The following NRXN3 variants were observed in gnomAD, a reference collection of about 807,000 sequenced individuals.
NRXN3 encodes neurexin 3.
NRXN3 carries 32 observed loss-of-function variants against 137.6 expected under a neutral mutation model. The observed-to-expected ratio is 0.23, with a 90% CI of 0.18 to 0.31. The LOEUF (loss-of-function observed/expected upper bound fraction) is 0.31, where lower values mean the gene tolerates loss of function less well. NRXN3 is among the 10% of genes least tolerant of loss of function. NRXN3 has a pLI of 1.00. For missense variants in NRXN3, 1,574 were observed against 2,062.5 expected, an observed-to-expected ratio of 0.76 and a Z score of 4.59; for synonymous variants, 798 against 784.5, an observed-to-expected ratio of 1.02 and a Z score of -0.29.
chr14:78,364,925 C>G (rs1311102013), intron 4 of NRXN3, among the ~76,000 whole-genome samples: 1 of 152,128 alleles, frequency 6.6e-6, no homozygotes, highest in Non-Finnish European at 1.5e-5. Flanking sequence ...ACTCATCCAC[C>G]ACAAATATCA....
At chr14:79,268,622 G>A (rs2078812119) in intron 15 of NRXN3, among the ~76,000 whole-genome samples, 1 of 152,158 alleles carries the variant, frequency 6.6e-6, no homozygotes, top group African/African-American at 2.4e-5. Flanking sequence ...GCCTCTTAAG[G>A]TATGACTTAG....
intron 15 of NRXN3, among the ~76,000 whole-genome samples, chr14:79,177,018 A>C (rs1257936296): frequency 6.6e-6 from 1 of 152,210 alleles, no homozygotes; most frequent in East Asian, 1.9e-4. Flanking sequence ...GACTTGGAAA[A>C]GAAAAGTTAC....
In NRXN3 at chr14:79,315,575, C is replaced by A. The variant is rs373627322; in HGVS notation, c.3263-151646C>A. On this transcript the variant is annotated intron_variant, in intron 15 of 20. Coordinates refer to ENST00000335750, the MANE Select transcript of NRXN3 (RefSeq NM_001330195.2). ...TGAAATTGACTCCACACAAAGATATCTGATCACCAGACAAAACAAGTACCA... is the reference window on the plus strand; with the variant it reads ...TGAAATTGACTCCACACAAAGATATATGATCACCAGACAAAACAAGTACCA... Among the ~76,000 whole-genome samples, 159 of 152,292 alleles carry A rather than the reference C, an allele frequency of 1.0e-3. 2 individuals carry two copies. The South Asian group carries it at 0.032, about 30-fold the overall frequency.
chr14:78,299,087 A>G (rs1035202625), intron 4 of NRXN3, among the ~76,000 whole-genome samples: 2 of 152,240 alleles, frequency 1.3e-5, no homozygotes, highest in African/African-American at 4.8e-5. Context: ...TGTATCCTCC[A>G]GACCTAAGCC....
intron 4 of NRXN3, among the ~76,000 whole-genome samples, chr14:78,500,287 C>T (rs886300060): frequency 1.3e-5 from 2 of 152,196 alleles, no homozygotes; most frequent in Non-Finnish European, 2.9e-5. Context: ...GAAACCTGTC[C>T]TTCCATGAAT....
chr14:78,624,833 T>G (rs12589929), intron 4 of NRXN3, among the ~76,000 whole-genome samples: 956 of 122,034 alleles, frequency 7.8e-3, no homozygotes, highest in African/African-American at 0.013. Context: ...GTGTGTGTGT[T>G]TGTTTGTTTG....
At chr14:79,501,589 A>G (rs1211610676) in intron 16 of NRXN3, among the ~76,000 whole-genome samples, 1 of 152,180 alleles carries the variant, frequency 6.6e-6, no homozygotes, top group Non-Finnish European at 1.5e-5. Flanking sequence ...TGAGGGAACA[A>G]AGGCCCTTGA....
chr14:78,303,317 T>C (rs966517097), intron 4 of NRXN3, among the ~76,000 whole-genome samples: 23 of 152,156 alleles, frequency 1.5e-4, no homozygotes, highest in African/African-American at 5.3e-4. Context: ...ACAATTTATA[T>C]GGAAGTTAAT....
intron 19 of NRXN3, among the ~76,000 whole-genome samples, chr14:79,784,307 G>C (rs1400898015): frequency 6.6e-6 from 1 of 152,126 alleles, no homozygotes; most frequent in African/African-American, 2.4e-5. Flanking sequence ...AAATGCCAAT[G>C]TCTTTCCCAA....
chr14:79,652,392 A>T (rs1212229008), intron 16 of NRXN3, among the ~76,000 whole-genome samples: 3 of 138,354 alleles, frequency 2.2e-5, no homozygotes, highest in South Asian at 2.1e-4. Context: ...TTCACTATAA[A>T]CTCATGGATA....
chr14:78,259,334 G>A (rs930090089), intron 2 of NRXN3, among the ~76,000 whole-genome samples: 4 of 152,150 alleles, frequency 2.6e-5, no homozygotes, highest in Non-Finnish European at 4.4e-5. Context: ...ACTTACCCAA[G>A]ATCAGCAAAC....
At chr14:79,351,260 A>C (rs766321191) in intron 15 of NRXN3, among the ~76,000 whole-genome samples, 7 of 152,208 alleles carry the variant, frequency 4.6e-5, no homozygotes, top group Non-Finnish European at 1.0e-4. Context: ...ATGTGCTGGC[A>C]GAAAGAAATG....
At chr14:78,469,713 G>T (rs535402766) in intron 4 of NRXN3, among the ~76,000 whole-genome samples, 1 of 152,296 alleles carries the variant, frequency 6.6e-6, no homozygotes, top group Non-Finnish European at 1.5e-5. Flanking sequence ...GCTCTATAGT[G>T]TATAAAATGT....
intron 15 of NRXN3, among the ~76,000 whole-genome samples, chr14:79,315,427 G>C (rs925490916): frequency 6.6e-6 from 1 of 152,154 alleles, no homozygotes; most frequent in African/African-American, 2.4e-5. Flanking sequence ...AGGGGTCTCT[G>C]TAGAGAAACT....
At chr14:79,473,581 G>A (rs1232023773) in intron 16 of NRXN3, among the ~76,000 whole-genome samples, 1 of 152,070 alleles carries the variant, frequency 6.6e-6, no homozygotes, top group African/African-American at 2.4e-5. Flanking sequence ...CTGTATTTGG[G>A]GAACTTTCCA....
intron 16 of NRXN3, among the ~76,000 whole-genome samples, chr14:79,505,499 A>G (rs2096869821): frequency 6.6e-6 from 1 of 152,216 alleles, no homozygotes; most frequent in Non-Finnish European, 1.5e-5. Context: ...AGTAGTCCAC[A>G]TTAATTCAGT....
chr14:78,477,659 A>G (rs897486920), intron 4 of NRXN3, among the ~76,000 whole-genome samples: 7 of 152,238 alleles, frequency 4.6e-5, no homozygotes, highest in African/African-American at 9.6e-5. Flanking sequence ...TGTCTTTTCA[A>G]TTATTAAAAT....
intron 10 of NRXN3, among the ~76,000 whole-genome samples, chr14:78,899,654 T>G (rs775858122): frequency 6.6e-6 from 1 of 152,002 alleles, no homozygotes. Flanking sequence ...AATGTTCACA[T>G]TCATGAGAAA....
Position 79,679,547 on chromosome 14 carries a change from A to C in NRXN3, c.3617-12626A>C, listed in dbSNP as rs571970305. Among the ~76,000 whole-genome samples, 4 of 152,282 alleles carry C rather than the reference A, an allele frequency of 2.6e-5. No homozygotes were observed. The East Asian group carries it at 7.7e-4, about 29-fold the overall frequency. On this transcript the variant is annotated intron_variant, in intron 17 of 20. Transcript: ENST00000335750. ...CCTGCCATCTTTTGAGGTGGCCAATAGTTGTCAACTTTTTGAGTATCCTTG... is the reference window on the plus strand; with the variant it reads ...CCTGCCATCTTTTGAGGTGGCCAATCGTTGTCAACTTTTTGAGTATCCTTG...
Sources: gnomAD v4.1 joint callset for allele counts (sites outside exome capture counted in the v4.1 genomes callset) on GRCh38, gnomAD v4.1.1 for gene constraint, MANE v1.5 for transcripts, NCBI Gene and HGNC (gene_info 2026-07-23, HGNC 2026-07-21) for gene names.